P3H2: variants seen among roughly 807,000 people sequenced by gnomAD.
The protein encoded by P3H2 is leprecan-like 1.
Under a neutral mutation model 87.0 loss-of-function variants are expected in P3H2, and 80 were observed. That is an observed-to-expected ratio of 0.92 (90% CI 0.77 to 1.11). P3H2 has a LOEUF of 1.11. Among genes scored for constraint, P3H2 ranks in the 50% least tolerant of loss-of-function variants. P3H2 has a pLI of 0.00. For synonymous variants in P3H2, 367 were observed against 359.3 expected, an observed-to-expected ratio of 1.02 and a Z score of -0.24; for missense variants, 1,001 against 923.9, an observed-to-expected ratio of 1.08 and a Z score of -1.08.
chr3:190,028,018 T>C (rs557293193), intron 1 of P3H2, among the ~76,000 whole-genome samples: 25 of 152,150 alleles, frequency 1.6e-4, no homozygotes. Flanking sequence ...TCTGCTCATA[T>C]TGTCTCTTGA....
At chr3:190,047,798 G>A (rs938760794) in intron 1 of P3H2, among the ~76,000 whole-genome samples, 1 of 152,164 alleles carries the variant, frequency 6.6e-6, no homozygotes, top group Non-Finnish European at 1.5e-5. Flanking sequence ...AGGTGAGAAT[G>A]AAGAGGCATT....
chr3:189,972,831 T>C, intron 11 of P3H2, 43 bp downstream of exon 11: 1 of 1,606,264 alleles, frequency 6.2e-7, no homozygotes, highest in Non-Finnish European at 8.5e-7. Context: ...CATTTCCCAA[T>C]GTATTGTGGG....
At position 189,964,101 on chromosome 3, in the gene P3H2, G is replaced by C. The variant is rs749121083; in HGVS notation, c.1894-3C>G. ...CCACATTTTGGTTTTATAGAGGCCT[G>C]AGAAAGAAAGCAAAAATTAGACTTT... On this transcript the variant is annotated splice_polypyrimidine_tract_variant and splice_region_variant and intron_variant, in intron 13 of 14. Transcript: ENST00000319332. 1 of 1,613,644 alleles carries C rather than the reference G, an allele frequency of 6.2e-7. No individual in the cohort carries two copies.
At chr3:190,062,898 G>T (rs761047462) in intron 1 of P3H2, among the ~76,000 whole-genome samples, 1 of 152,116 alleles carries the variant, frequency 6.6e-6, no homozygotes, top group African/African-American at 2.4e-5. Context: ...ATACCAGAAT[G>T]GGATAACATC....
At chr3:189,990,178 G>A (rs1465818927) in intron 3 of P3H2, among the ~76,000 whole-genome samples, 1 of 152,106 alleles carries the variant, frequency 6.6e-6, no homozygotes, top group Non-Finnish European at 1.5e-5. Context: ...GTGGGGGAAT[G>A]TGCCAGTTTT....
At chr3:190,078,584 A>C (rs1039323096) in intron 1 of P3H2, among the ~76,000 whole-genome samples, 2 of 152,186 alleles carry the variant, frequency 1.3e-5, no homozygotes, top group Admixed American at 1.3e-4. Flanking sequence ...GAGACCAACG[A>C]GCTATAATAG....
intron 13 of P3H2, among the ~76,000 whole-genome samples, chr3:189,966,171 G>GAAAGAAAGAA (rs1553871252): frequency 2.0e-5 from 3 of 146,792 alleles, no homozygotes; most frequent in Non-Finnish European, 4.5e-5. Context: ...AAGAAAGAAA[G>GAAAGAAAGAA]AAAGAAAGAA....
intron 1 of P3H2, among the ~76,000 whole-genome samples, chr3:190,080,186 A>C (rs1213337488): frequency 6.6e-6 from 1 of 152,192 alleles, no homozygotes; most frequent in African/African-American, 2.4e-5. Context: ...AATCACAGAC[A>C]CATGTGTGAG....
intron 3 of P3H2, among the ~76,000 whole-genome samples, chr3:189,992,388 G>T (rs899322696): frequency 6.6e-6 from 1 of 152,084 alleles, no homozygotes; most frequent in Non-Finnish European, 1.5e-5. Context: ...GAGCCACCGC[G>T]CCCGGATGAG....
At chr3:190,083,738 C>T (rs1314400208) in intron 1 of P3H2, among the ~76,000 whole-genome samples, 1 of 152,210 alleles carries the variant, frequency 6.6e-6, no homozygotes, top group Non-Finnish European at 1.5e-5. Context: ...TTCAGATTAA[C>T]ATCAAACCTT....
intron 1 of P3H2, among the ~76,000 whole-genome samples, chr3:190,005,670 C>G (rs1329709075): frequency 6.6e-6 from 1 of 152,208 alleles, no homozygotes; most frequent in African/African-American, 2.4e-5. Context: ...GAAATATAAA[C>G]TCTTGCTTTT....
At chr3:190,059,378 G>A (rs566353557) in intron 1 of P3H2, among the ~76,000 whole-genome samples, 19 of 152,136 alleles carry the variant, frequency 1.2e-4, no homozygotes, top group Admixed American at 8.5e-4. Context: ...CAGCTGCACC[G>A]AGAGGTATCA....
At chr3:189,964,177 G>T (rs1722905095) in intron 13 of P3H2, 79 bp from the exon 14 acceptor site, 2 of 1,344,048 alleles carry the variant, frequency 1.5e-6, no homozygotes, top group Admixed American at 3.4e-5. Context: ...CTGGCTATGA[G>T]ATTATTTGAG....
chr3:189,993,957 A>AGAAATGG, intron 3 of P3H2, 137 bp downstream of exon 3: 1 of 669,772 alleles, frequency 1.5e-6, no homozygotes, highest in African/African-American at 1.8e-5. Flanking sequence ...TCTCTACAGG[A>AGAAATGG]GATAGGCTGG....
chr3:189,960,957 T>TC (rs201900001), intron 14 of P3H2, among the ~76,000 whole-genome samples: 1 of 151,812 alleles, frequency 6.6e-6, no homozygotes, highest in African/African-American at 2.4e-5. Flanking sequence ...TTTTTTTTTT[T>TC]CAAGACAGAG....
intron 1 of P3H2, among the ~76,000 whole-genome samples, chr3:190,094,229 A>C (rs1199685326): frequency 6.6e-6 from 1 of 152,218 alleles, no homozygotes; most frequent in Non-Finnish European, 1.5e-5. Context: ...AGGAAAGCAA[A>C]ATCTTGGACC....
In P3H2 at chr3:189,981,726, A is replaced by G. The variant is rs539204328; in HGVS notation, c.1324+1320T>C. ...GGAAAAAAATGCTTTGAAATTTGGC[A>G]ACTGTCCTGGAGTTTCCCAAACATT... On this transcript the variant is annotated intron_variant, in intron 8 of 14. Coordinates refer to ENST00000319332, the MANE Select transcript of P3H2 (RefSeq NM_018192.4). Among the ~76,000 whole-genome samples the G allele has an allele frequency of 4.6e-5, 7 of 152,312 alleles. No individual in the cohort carries two copies. In the South Asian group the frequency reaches 1.4e-3, roughly 32 times the overall value.
chr3:190,119,023 T>C (rs1470609470), intron 1 of P3H2, among the ~76,000 whole-genome samples: 4 of 151,080 alleles, frequency 2.6e-5, no homozygotes, highest in Non-Finnish European at 2.9e-5. Context: ...GAGAATCGTT[T>C]GAGCCCGGGA....
At chr3:190,030,531 C>T (rs555444492) in intron 1 of P3H2, among the ~76,000 whole-genome samples, 5 of 151,958 alleles carry the variant, frequency 3.3e-5, no homozygotes, top group African/African-American at 9.6e-5. Context: ...ACTCCAGCCT[C>T]GGCAAGAGAG....
Sources: gnomAD v4.1 joint callset for allele counts (sites outside exome capture counted in the v4.1 genomes callset) on GRCh38, gnomAD v4.1.1 for gene constraint, MANE v1.5 for transcripts, NCBI Gene and HGNC (gene_info 2026-07-23, HGNC 2026-07-21) for gene names.